The following DDX42 variants were observed in gnomAD, a reference collection of about 807,000 sequenced individuals.
DDX42 encodes the protein DEAD-box helicase 42.
Under a neutral mutation model 101.5 loss-of-function variants are expected in DDX42, and 22 were observed. That is an observed-to-expected ratio of 0.22 (90% CI 0.15 to 0.31). The LOEUF (loss-of-function observed/expected upper bound fraction) is 0.31. DDX42 is among the 10% of genes least tolerant of loss of function. DDX42 has a pLI of 1.00. For synonymous variants in DDX42, 402 were observed against 401.2 expected (o/e 1.00, Z -0.02); for missense variants, 849 against 1,199.9 (o/e 0.71, Z 4.32).
At chr17:63,808,620 A>G (rs1163322310) in intron 9 of DDX42, among the ~76,000 whole-genome samples, 200 bp from the exon 10 acceptor site, 1 of 152,224 alleles carries the variant, frequency 6.6e-6, no homozygotes, top group African/African-American at 2.4e-5. Flanking sequence ...AAAATGAATA[A>G]AAGATTTTAG....
chr17:63,788,307 A>C (rs1393579763), intron 2 of DDX42, among the ~76,000 whole-genome samples: 1 of 135,026 alleles, frequency 7.4e-6, no homozygotes, highest in Admixed American at 7.8e-5. Context: ...TCAACATCTG[A>C]GTCTTTTTTT....
intron 1 of DDX42, among the ~76,000 whole-genome samples, chr17:63,783,883 C>A (rs140990525): frequency 6.6e-6 from 1 of 151,886 alleles, no homozygotes; most frequent in South Asian, 2.1e-4. Flanking sequence ...CCTAACATAA[C>A]GAAACCCCAT....
At chr17:63,811,309 T>C (rs1307889585) in intron 13 of DDX42, 136 bp downstream of exon 13, 10 of 655,976 alleles carry the variant, frequency 1.5e-5, no homozygotes, top group African/African-American at 3.8e-5. Context: ...AGATTGGGTA[T>C]TTTGCAAGTT....
intron 1 of DDX42, among the ~76,000 whole-genome samples, chr17:63,778,031 G>A (rs117937033): frequency 6.6e-6 from 1 of 152,314 alleles, no homozygotes; most frequent in East Asian, 1.9e-4. Flanking sequence ...CTATGGAATT[G>A]AGGAGAGTGA....
In DDX42 at chr17:63,811,062, A is replaced by T; in HGVS notation, c.1301-14A>T. On this transcript the variant is annotated splice_polypyrimidine_tract_variant and intron_variant, in intron 12 of 17. Transcript: ENST00000389924. ...TCATATTGTTTCTCTAACAGAATTT[A>T]TCTTACCTTTTAGCTCTCTTATTTA... 6.2e-7 allele frequency: 1 copy of T among 1,609,854 alleles called. No homozygotes were observed. Among genetic ancestry groups the T allele is most frequent in the East Asian group, 2.2e-5 (1 of 44,830 alleles).
chr17:63,776,438 G>A (rs150499734), intron 1 of DDX42: 47 of 152,386 alleles, frequency 3.1e-4, no homozygotes, highest in African/African-American at 1.1e-3. Context: ...CATCTTCAGT[G>A]TTCTTGTGGC....
At chr17:63,792,928 A>G (rs1376204199) in intron 3 of DDX42, among the ~76,000 whole-genome samples, 1 of 152,196 alleles carries the variant, frequency 6.6e-6, no homozygotes, top group Non-Finnish European at 1.5e-5. Flanking sequence ...CCAAAATTAT[A>G]AATTCTGTAT....
chr17:63,799,560 G>C (rs747012426), intron 4 of DDX42, 29 bp from the exon 5 acceptor site: 1 of 1,612,692 alleles, frequency 6.2e-7, no homozygotes, highest in Non-Finnish European at 8.5e-7. Flanking sequence ...CATTTGCAGG[G>C]AAGTTTGTTT....
chr17:63,801,022 TTCTTC>T (rs1273108063), intron 6 of DDX42, among the ~76,000 whole-genome samples: 49 of 151,426 alleles, frequency 3.2e-4, no homozygotes, highest in African/African-American at 1.1e-3. Context: ...TCTTCTTTCT[TTCTTC>T]TCTTCTCTTT....
At chr17:63,785,603 A>G (rs370686995) in intron 1 of DDX42, among the ~76,000 whole-genome samples, 1 of 15,268 alleles carries the variant, frequency 6.5e-5, no homozygotes, top group Non-Finnish European at 1.1e-4. Context: ...CCTGTTCCTT[A>G]AAAAAAAAAA....
At chr17:63,806,707 T>A in intron 8 of DDX42, 53 bp downstream of exon 8, 5 of 1,540,436 alleles carry the variant, frequency 3.2e-6, no homozygotes, top group Non-Finnish European at 4.4e-6. Flanking sequence ...TTCATGACTA[T>A]ATTAATTTAA....
chr17:63,800,656 C>G, intron 6 of DDX42, 39 bp downstream of exon 6: 1 of 1,604,092 alleles, frequency 6.2e-7, no homozygotes, highest in Non-Finnish European at 8.5e-7. Flanking sequence ...TTGTTTCAAG[C>G]TGATGCTTTA....
At chr17:63,792,598 G>A in intron 3 of DDX42, 36 bp downstream of exon 3, 7 of 1,573,032 alleles carry the variant, frequency 4.4e-6, no homozygotes, top group Non-Finnish European at 6.0e-6. Flanking sequence ...ATATTTAGCA[G>A]TTAGAAATAG....
intron 2 of DDX42, among the ~76,000 whole-genome samples, chr17:63,791,876 G>A (rs1396174924): frequency 6.6e-6 from 1 of 151,712 alleles, no homozygotes; most frequent in African/African-American, 2.4e-5. Context: ...TGAAACCCCT[G>A]TCTCTACTAA....
chr17:63,810,297 G>T, intron 11 of DDX42: 1 of 256,152 alleles, frequency 3.9e-6, no homozygotes, highest in Non-Finnish European at 7.2e-6. Context: ...AGATAGCTGT[G>T]TTGACCAGGC....
intron 16 of DDX42, 107 bp downstream of exon 16, chr17:63,815,780 T>TA (rs1281234800): frequency 1.5e-5 from 10 of 657,062 alleles, no homozygotes; most frequent in Non-Finnish European, 2.5e-5. Context: ...TTTAAAGCCC[T>TA]GTCTAGAAGG....
chr17:63,779,665 A>G (rs1015512389), intron 1 of DDX42, among the ~76,000 whole-genome samples: 3 of 151,586 alleles, frequency 2.0e-5, no homozygotes, highest in Non-Finnish European at 2.9e-5. Flanking sequence ...ATAACACCCT[A>G]TTCTCCCCTC....
At position 63,818,303 on chromosome 17, in the gene DDX42, A is replaced by G. The variant is rs761151153; in HGVS notation, c.2722A>G (p.Lys908Glu). The G allele has an allele frequency of 2.5e-6, 4 of 1,614,088 alleles. No homozygotes were observed. The highest frequency in any genetic ancestry group is 2.2e-5 in the East Asian group (1 of 44,880). ...PKMEPKVDSS[K>E]MDKVDSKTDK... is the part of the protein sequence containing the mutation. ...GATGGAACCCAAAGTGGACAGCAGC[A>G]AGATGGACAAGGTGGACAGCAAGAC... The change falls in exon 18 of 18, where the codon AAG becomes GAG. Residue 908 changes from lysine (K) to glutamate (E), a missense_variant. Coordinates refer to ENST00000389924, the MANE Select transcript of DDX42 (RefSeq NM_203499.3).
At chr17:63,815,520 TTTCTC>T in intron 15 of DDX42, 38 bp from the exon 16 acceptor site, 1 of 1,454,434 alleles carries the variant, frequency 6.9e-7, no homozygotes, top group East Asian at 2.3e-5. Flanking sequence ...CTTCTGTTCT[TTTCTC>T]CCTCCCTTGA....
Sources: allele counts gnomAD v4.1 joint callset (sites outside exome capture counted in the v4.1 genomes callset), GRCh38; gene constraint gnomAD v4.1.1; transcripts MANE v1.5; gene names NCBI Gene and HGNC (gene_info 2026-07-23, HGNC 2026-07-21).